NRXN3: variants seen among roughly 807,000 people sequenced by gnomAD.
NRXN3 encodes the protein neurexin III.
Under a neutral mutation model 137.6 loss-of-function variants are expected in NRXN3, and 32 were observed. That is an observed-to-expected ratio of 0.23 (90% CI 0.18 to 0.31). NRXN3 has a LOEUF of 0.31. Among genes scored for constraint, NRXN3 ranks in the 10% least tolerant of loss-of-function variants. The probability of loss-of-function intolerance (pLI) is 1.00; values close to 1 mark genes in which losing one functional copy is unlikely to be tolerated. For synonymous variants in NRXN3, 798 were observed against 784.5 expected (o/e 1.02, Z -0.29); for missense variants, 1,574 against 2,062.5 (o/e 0.76, Z 4.59).
chr14:79,766,909 G>C (rs1335588916), intron 19 of NRXN3, among the ~76,000 whole-genome samples: 1 of 152,142 alleles, frequency 6.6e-6, no homozygotes, highest in Non-Finnish European at 1.5e-5. Context: ...GCTGGAAGTG[G>C]GTTTGCAAGC....
rs1356488229 is a variant in NRXN3, at chr14:78,403,608, G to A, written c.757+105748G>A. On this transcript the variant is annotated intron_variant, in intron 4 of 20. Coordinates refer to ENST00000335750, the MANE Select transcript of NRXN3 (RefSeq NM_001330195.2). Reference sequence around the variant, plus strand: ...TGTCCCGGGCCCCAGATGTGTGCAGGTTTCTAATTGCCGGTGCTGCACTAA... The same window carrying A: ...TGTCCCGGGCCCCAGATGTGTGCAGATTTCTAATTGCCGGTGCTGCACTAA... 7 of 551,870 alleles carry A rather than the reference G, an allele frequency of 1.3e-5. 1 individual carries two copies. Among genetic ancestry groups the A allele is most frequent in the African/African-American group, 4.1e-5 (2 of 48,796 alleles). 34.2% of individuals were successfully genotyped at this position (551,870 alleles called of 1,614,324 possible). A position where few individuals can be genotyped will look rare whatever the true frequency, so the allele number is the denominator to read the frequency against.
chr14:79,030,237 C>A (rs1040586346), intron 15 of NRXN3, among the ~76,000 whole-genome samples: 1 of 151,450 alleles, frequency 6.6e-6, no homozygotes, highest in African/African-American at 2.4e-5. Context: ...CCAGTAGTAG[C>A]CCCCCCAACA....
chr14:79,239,699 C>T (rs2073969280), intron 15 of NRXN3, among the ~76,000 whole-genome samples: 2 of 152,180 alleles, frequency 1.3e-5, no homozygotes, highest in South Asian at 4.1e-4. Flanking sequence ...GATATCTGCA[C>T]TCTCATGTTC....
chr14:78,490,640 T>A (rs34314283), intron 4 of NRXN3, among the ~76,000 whole-genome samples: 2,946 of 152,260 alleles, frequency 0.019, 54 homozygotes, highest in Non-Finnish European at 0.029. Flanking sequence ...AATGTTTGCA[T>A]TGAGCCCAAG....
intron 16 of NRXN3, among the ~76,000 whole-genome samples, chr14:79,525,953 C>T (rs2097114670): frequency 6.6e-6 from 1 of 152,170 alleles, no homozygotes; most frequent in Non-Finnish European, 1.5e-5. Flanking sequence ...ACAATCATAG[C>T]TCACTGCAGC....
Position 78,205,068 on chromosome 14 carries a change from C to T in NRXN3, c.-704+34394C>T, listed in dbSNP as rs540214180. On this transcript the variant is annotated intron_variant, in intron 1 of 20. Transcript: ENST00000335750. ...TGCAGGAGAAATCTATTTAGGTGCC[C>T]GCTGCCCCAGCCCACAGGGCACGCT... Among the ~76,000 whole-genome samples, 8 of 152,224 alleles carry T rather than the reference C, an allele frequency of 5.3e-5. No homozygotes were observed. In the East Asian group the frequency reaches 7.7e-4, roughly 15 times the overall value.
chr14:79,559,152 T>G (rs2097462271), intron 16 of NRXN3, among the ~76,000 whole-genome samples: 1 of 152,220 alleles, frequency 6.6e-6, no homozygotes, highest in African/African-American at 2.4e-5. Flanking sequence ...GCTGTTTTGC[T>G]TTCTTATCAT....
At chr14:79,100,364 T>G (rs2051052168) in intron 15 of NRXN3, among the ~76,000 whole-genome samples, 1 of 152,260 alleles carries the variant, frequency 6.6e-6, no homozygotes, top group Admixed American at 6.5e-5. Flanking sequence ...TAATATCTAA[T>G]GTAAAACTTT....
intron 19 of NRXN3, among the ~76,000 whole-genome samples, chr14:79,746,588 A>C (rs968623691): frequency 2.6e-5 from 4 of 152,114 alleles, no homozygotes; most frequent in African/African-American, 9.7e-5. Context: ...TGTTAGTAGT[A>C]AGTTAAAGAA....
chr14:79,192,172 C>A (rs903369257), intron 15 of NRXN3, among the ~76,000 whole-genome samples: 4 of 152,166 alleles, frequency 2.6e-5, no homozygotes, highest in African/African-American at 9.7e-5. Context: ...CAGATCCCAA[C>A]TGGATTGGGA....
In NRXN3 at chr14:78,573,692, T is replaced by A. The variant is rs147749645; in HGVS notation, c.758-71428T>A. The stretch of plus-strand genomic sequence containing the variant: ...TCAGTTATATGTATTCACAAAGATA[T>A]GGTTTGGAATTGGAACTTATATTTA... On this transcript the variant is annotated intron_variant, in intron 4 of 20. Coordinates refer to ENST00000335750, the MANE Select transcript of NRXN3 (RefSeq NM_001330195.2). Among the ~76,000 whole-genome samples the A allele has an allele frequency of 6.2e-3, 949 of 152,256 alleles. 14 individuals are homozygous for A. The highest frequency in any genetic ancestry group is 0.022 in the African/African-American group (901 of 41,550).
chr14:79,841,514 G>A (rs2293837), intron 20 of NRXN3, among the ~76,000 whole-genome samples: 42,663 of 152,034 alleles, frequency 0.28, 6,555 homozygotes, highest in Admixed American at 0.4. Context: ...ATCATAAAGC[G>A]TAATGGTATC....
chr14:78,999,027 C>A (rs2099536106), intron 15 of NRXN3, among the ~76,000 whole-genome samples: 1 of 152,154 alleles, frequency 6.6e-6, no homozygotes, highest in South Asian at 2.1e-4. Flanking sequence ...CTACCCTTTT[C>A]TTGTGGATCT....
intron 16 of NRXN3, among the ~76,000 whole-genome samples, chr14:79,508,098 C>T (rs2096894883): frequency 6.6e-6 from 1 of 152,078 alleles, no homozygotes; most frequent in African/African-American, 2.4e-5. Context: ...TTATGAACTG[C>T]ATGACCTTGA....
rs976316243 is a variant in NRXN3, at chr14:79,561,901, C to T, written c.3444+94499C>T. On this transcript the variant is annotated intron_variant, in intron 16 of 20. Transcript: ENST00000335750. ...ATTACTCACAACCCAGATAATACTT[C>T]GTTTAATGATTTTATCCCATTTGTT... Among the ~76,000 whole-genome samples the T allele has an allele frequency of 5.3e-5, 8 of 152,126 alleles. No homozygotes were observed. The East Asian group carries it at 5.8e-4, about 11-fold the overall frequency.
chr14:79,070,066 T>C (rs2099685656), intron 15 of NRXN3, among the ~76,000 whole-genome samples: 1 of 152,168 alleles, frequency 6.6e-6, no homozygotes, highest in Non-Finnish European at 1.5e-5. Context: ...TTTCATTCAT[T>C]TGGGAAACCA....
At chr14:78,834,402 A>T (rs1417707076) in intron 10 of NRXN3, among the ~76,000 whole-genome samples, 1 of 152,052 alleles carries the variant, frequency 6.6e-6, no homozygotes, top group Non-Finnish European at 1.5e-5. Context: ...ATTTTACTTG[A>T]CTACTAGTAT....
At chr14:79,358,971 C>T (rs1197291132) in intron 15 of NRXN3, among the ~76,000 whole-genome samples, 1 of 152,188 alleles carries the variant, frequency 6.6e-6, no homozygotes, top group Non-Finnish European at 1.5e-5. Flanking sequence ...GAGGAAGCTA[C>T]GGTTACAATT....
chr14:78,992,840 T>C (rs1180043536), intron 15 of NRXN3, among the ~76,000 whole-genome samples: 1 of 152,088 alleles, frequency 6.6e-6, no homozygotes, highest in Non-Finnish European at 1.5e-5. Flanking sequence ...TATAGGACAG[T>C]CTTTGGCACA....
Sources: allele counts gnomAD v4.1 joint callset (sites outside exome capture counted in the v4.1 genomes callset), GRCh38; gene constraint gnomAD v4.1.1; transcripts MANE v1.5; gene names NCBI Gene and HGNC (gene_info 2026-07-23, HGNC 2026-07-21).